The following SYNE3 variants were observed in gnomAD, a reference collection of about 807,000 sequenced individuals.
SYNE3 encodes the protein nesprin-3.
In SYNE3, 100 loss-of-function variants were observed where a neutral mutation model predicts 111.2. The ratio of observed to expected loss-of-function variants is 0.90; its 90% CI spans 0.77 to 1.06. The LOEUF (loss-of-function observed/expected upper bound fraction) is 1.06. SYNE3 is among the 50% of genes least tolerant of loss of function. The probability of loss-of-function intolerance (pLI) is 0.00; values close to 1 mark genes in which losing one functional copy is unlikely to be tolerated. For synonymous variants in SYNE3, 547 were observed against 533.9 expected, an observed-to-expected ratio of 1.02 and a Z score of -0.34; for missense variants, 1,160 against 1,240.3, an observed-to-expected ratio of 0.94 and a Z score of 0.97.
chr14:95,505,771 T>C (rs1890505463), intron 1 of SYNE3, among the ~76,000 whole-genome samples: 1 of 152,156 alleles, frequency 6.6e-6, no homozygotes, highest in Admixed American at 6.5e-5. Context: ...ATAAACAATG[T>C]TTAACTCTAT....
In SYNE3 at chr14:95,409,330, A is replaced by G; in HGVS notation, c.*8496T>C. ...TGACCATATTGCAGGCGCTCGGGGT[A>G]TGTTTTCTTCCCTCCCTTTCTCATC... On this transcript the variant is annotated 3_prime_UTR_variant, in exon 18 of 18. Coordinates refer to ENST00000682763, the MANE Select transcript of SYNE3 (RefSeq NM_152592.6). 1 of 456,662 alleles carries G rather than the reference A, an allele frequency of 2.2e-6. No individual in the cohort carries two copies. Among genetic ancestry groups the G allele is most frequent in the Non-Finnish European group, 4.4e-6 (1 of 226,962 alleles). 28.3% of individuals were successfully genotyped at this position (456,662 alleles called of 1,614,324 possible). A position where few individuals can be genotyped will look rare whatever the true frequency, so the allele number is the denominator to read the frequency against.
rs952516669 is a variant in SYNE3, at chr14:95,516,587, G to T, written c.-15+9C>A. ...CCCAGGCCTGGCCTCCCGGCCCCGT[G>T]CCACTTACCCTCCCGGAGCGTGGAG... is the stretch of plus-strand genomic sequence containing the variant. On this transcript the variant is annotated intron_variant, in intron 1 of 17. Transcript: ENST00000682763. Among the ~76,000 whole-genome samples, 417 of 149,638 alleles carry T rather than the reference G, an allele frequency of 2.8e-3. 1 individual carries two copies. Among genetic ancestry groups the T allele is most frequent in the African/African-American group, 9.7e-3 (399 of 41,196 alleles).
At chr14:95,446,142 A>C in intron 8 of SYNE3, 51 bp from the exon 9 acceptor site, 1 of 1,598,158 alleles carries the variant, frequency 6.3e-7, no homozygotes, top group Non-Finnish European at 8.5e-7. Context: ...GACACAGCTC[A>C]GAAACAGAGC....
intron 1 of SYNE3, among the ~76,000 whole-genome samples, chr14:95,514,266 CG>C (rs1890830368): frequency 6.6e-6 from 1 of 152,160 alleles, no homozygotes; most frequent in Non-Finnish European, 1.5e-5. Flanking sequence ...GTCAGCTAGG[CG>C]GTGTAGGACA....
At position 95,433,263 on chromosome 14, in the gene SYNE3, C is replaced by T; in HGVS notation, c.2685G>A (p.Leu895=). 1 of 1,613,492 alleles carries T rather than the reference C, an allele frequency of 6.2e-7. No individual in the cohort carries two copies. The highest frequency in any genetic ancestry group is 8.5e-7 in the Non-Finnish European group (1 of 1,179,652). ...CCTGCACATCCTTGGCACCTACCAG[C>T]AGGTGGCCAGAGTCCTTCAGCTTGG... The part of the protein sequence containing the change: ...YKSKLKDSGH[L]LTQSSPGEPT... Residue 895 remains leucine, a synonymous_variant, in exon 16 of 18, where the codon CTG becomes CTA. Transcript: ENST00000682763.
chr14:95,504,852 CAAT>C (rs1890472192), intron 1 of SYNE3, among the ~76,000 whole-genome samples: 1 of 149,330 alleles, frequency 6.7e-6, no homozygotes, highest in African/African-American at 2.5e-5. Context: ...AGAAAAAAGA[CAAT>C]AGGAGCCTCA....
At chr14:95,498,908 T>C (rs1430029723) in intron 1 of SYNE3, among the ~76,000 whole-genome samples, 1 of 151,878 alleles carries the variant, frequency 6.6e-6, no homozygotes, top group Non-Finnish European at 1.5e-5. Flanking sequence ...ACTTTCCAGC[T>C]AAAAAAAATA....
rs549280423 is a variant in SYNE3, at chr14:95,491,028, TACAC to T, written c.-14-15197_-14-15194del. On this transcript the variant is annotated intron_variant, in intron 1 of 17. Coordinates refer to ENST00000682763, the MANE Select transcript of SYNE3 (RefSeq NM_152592.6). ...AGGGCAGTGCTGCTTATTCAATAAATACACACAACATCAACTTCTTGGAAAGGCA... is the reference window on the plus strand; with the variant it reads ...AGGGCAGTGCTGCTTATTCAATAAATACAACATCAACTTCTTGGAAAGGCA... Among the ~76,000 whole-genome samples the T allele has an allele frequency of 1.2e-4, 18 of 152,272 alleles. No individual in the cohort carries two copies. The East Asian group carries it at 3.5e-3, about 29-fold the overall frequency.
intron 1 of SYNE3, among the ~76,000 whole-genome samples, chr14:95,482,876 C>T (rs140322703): frequency 5.9e-5 from 9 of 152,292 alleles, no homozygotes; most frequent in East Asian, 3.9e-4. Context: ...ATACTAACAA[C>T]GCTGCCCAAA....
chr14:95,497,076 T>G (rs901354272), intron 1 of SYNE3, among the ~76,000 whole-genome samples: 2 of 152,364 alleles, frequency 1.3e-5, no homozygotes, highest in Non-Finnish European at 2.9e-5. Context: ...CAAATCTGGA[T>G]GGTGTGAGGC....
chr14:95,457,458 C>A (rs1412049232), intron 4 of SYNE3, 120 bp from the exon 5 acceptor site: 7 of 1,124,836 alleles, frequency 6.2e-6, no homozygotes, highest in Non-Finnish European at 7.6e-6. Flanking sequence ...GCAGGGGGTG[C>A]AACCAACCTC....
At position 95,416,081 on chromosome 14, in the gene SYNE3, A is replaced by C. The variant is rs1263798310; in HGVS notation, c.*1745T>G. The C allele has an allele frequency of 6.6e-6, 1 of 151,926 alleles. No homozygotes were observed. Among genetic ancestry groups the C allele is most frequent in the East Asian group, 1.9e-4 (1 of 5,180 alleles). 9.4% of individuals were successfully genotyped at this position (151,926 alleles called of 1,614,324 possible). A position where few individuals can be genotyped will look rare whatever the true frequency, so the allele number is the denominator to read the frequency against. ...AGTGCCCAAGTCACATTCTGCTTAA[A>C]GTTGTAACAAATACAGACGAGTTAA... On this transcript the variant is annotated 3_prime_UTR_variant, in exon 18 of 18. Coordinates refer to ENST00000682763, the MANE Select transcript of SYNE3 (RefSeq NM_152592.6).
At chr14:95,454,685 CAT>C (rs763872396) in intron 6 of SYNE3, among the ~76,000 whole-genome samples, 3 of 152,342 alleles carry the variant, frequency 2.0e-5, no homozygotes, top group Admixed American at 2.0e-4. Flanking sequence ...GAAGAGAAAA[CAT>C]ATAACAACAG....
At chr14:95,439,564 A>C in intron 13 of SYNE3, 48 bp downstream of exon 13, 1 of 1,596,812 alleles carries the variant, frequency 6.3e-7, no homozygotes, top group Non-Finnish European at 8.5e-7. Context: ...CCTGAGTGAG[A>C]AGGGGCAGTG....
intron 4 of SYNE3, among the ~76,000 whole-genome samples, chr14:95,459,500 C>T (rs1214157039): frequency 6.6e-6 from 1 of 152,144 alleles, no homozygotes; most frequent in Non-Finnish European, 1.5e-5. Context: ...GATGTGGTGT[C>T]TGAACCATAG....
Position 95,455,705 on chromosome 14 carries a change from G to A in SYNE3, c.809C>T (p.Pro270Leu). The change falls in exon 6 of 18, where the codon CCC becomes CTC. Residue 270 changes from proline to leucine, a missense_variant. Pro to Leu is a moderately conservative substitution (Grantham distance 98, BLOSUM62 -3). Transcript: ENST00000682763. The stretch of plus-strand genomic sequence containing the variant: ...CGTCTCCAGAGACTCCTCGCCCCTG[G>A]GAAAATCTTTGGCAATGTCCTGAAG... ...STLQDIAKDF[P>L]RGEESLETLE... The A allele has an allele frequency of 6.2e-7, 1 of 1,614,054 alleles. No homozygotes were observed. The highest frequency in any genetic ancestry group is 8.5e-7 in the Non-Finnish European group (1 of 1,180,030).
chr14:95,489,557 G>A (rs1319152707), intron 1 of SYNE3, among the ~76,000 whole-genome samples: 5 of 152,114 alleles, frequency 3.3e-5, no homozygotes, highest in African/African-American at 1.2e-4. Flanking sequence ...GATACATCTG[G>A]AAAATATAAA....
At chr14:95,479,239 A>G (rs1595242077) in intron 1 of SYNE3, among the ~76,000 whole-genome samples, 1 of 151,334 alleles carries the variant, frequency 6.6e-6, no homozygotes, top group East Asian at 1.9e-4. Context: ...AAAAAAAAAA[A>G]AAAAAAAAAA....
Position 95,500,338 on chromosome 14 carries a change from G to A in SYNE3, c.-15+16258C>T. On this transcript the variant is annotated intron_variant, in intron 1 of 17. Coordinates refer to ENST00000682763, the MANE Select transcript of SYNE3 (RefSeq NM_152592.6). The surrounding 1 kb of genome is among the most constrained non-coding windows in gnomAD (Gnocchi z 4.7). ...TTACGACGTGCCTGTGAGAAGCCGG[G>A]CATCCAGCCTAGGAACTGCCTTTTG... Among the ~76,000 whole-genome samples, 1 of 152,202 alleles carries A rather than the reference G, an allele frequency of 6.6e-6. No homozygotes were observed. Among genetic ancestry groups the A allele is most frequent in the East Asian group, 1.9e-4 (1 of 5,184 alleles).
Sources: allele counts gnomAD v4.1 joint callset (sites outside exome capture counted in the v4.1 genomes callset), GRCh38; gene constraint gnomAD v4.1.1; non-coding constraint Gnocchi (gnomAD v3.1); transcripts MANE v1.5; gene names NCBI Gene and HGNC (gene_info 2026-07-23, HGNC 2026-07-21).